Variants in PDE8A observed in about 807,000 individuals in gnomAD.
PDE8A encodes high affinity cAMP-specific and IBMX-insensitive 3',5'-cyclic phosphodiesterase 8A.
Under a neutral mutation model 105.0 loss-of-function variants are expected in PDE8A, and 59 were observed. The observed-to-expected ratio is 0.56, with a 90% CI of 0.46 to 0.70. The LOEUF is 0.70. PDE8A is among the 30% of genes least tolerant of loss of function. PDE8A has a pLI of 0.00. For missense variants in PDE8A, 1,014 were observed against 1,045.9 expected (o/e 0.97, Z 0.42); for synonymous variants, 355 against 371.9 (o/e 0.95, Z 0.52).
At chr15:85,080,143 A>AT (rs1470623820) in intron 5 of PDE8A, among the ~76,000 whole-genome samples, 1 of 152,174 alleles carries the variant, frequency 6.6e-6, no homozygotes, top group Non-Finnish European at 1.5e-5. Context: ...GGAATTTAAG[A>AT]TTTTAGTTTA....
intron 20 of PDE8A, among the ~76,000 whole-genome samples, chr15:85,129,093 C>T (rs987384746): frequency 3.9e-5 from 6 of 152,160 alleles, no homozygotes; most frequent in African/African-American, 1.4e-4. Flanking sequence ...TCTTGCATTT[C>T]AGAAATAGAT....
intron 1 of PDE8A, among the ~76,000 whole-genome samples, chr15:84,987,284 T>A (rs2079817686): frequency 6.6e-6 from 1 of 152,178 alleles, no homozygotes. Context: ...TTAAGTGTGA[T>A]TCTTAAGATA....
At chr15:85,133,192 T>G (rs894659175) in intron 20 of PDE8A, among the ~76,000 whole-genome samples, 6 of 152,202 alleles carry the variant, frequency 3.9e-5, no homozygotes, top group Non-Finnish European at 7.3e-5. Flanking sequence ...CTTAATTTCC[T>G]GAAGTGTCTT....
chr15:85,117,668 G>A lies in PDE8A; in HGVS notation c.1563G>A (p.Met521Ile), dbSNP rs2082117368. The change falls in exon 17 of 22, where the codon ATG becomes ATA. Residue 521 changes from methionine to isoleucine, a missense_variant. Coordinates refer to ENST00000394553, the MANE Select transcript of PDE8A (RefSeq NM_002605.3). ...NRPLIYLGLK[M>I]FARFGICEFL... Reference sequence around the variant, plus strand: ...CTTTGATTTATCTTGGTCTCAAAATGTTTGCTCGCTTTGGAATCTGTGAAT... The same window carrying A: ...CTTTGATTTATCTTGGTCTCAAAATATTTGCTCGCTTTGGAATCTGTGAAT... 1 of 1,614,106 alleles carries A rather than the reference G, an allele frequency of 6.2e-7. No individual in the cohort carries two copies. The highest frequency in any genetic ancestry group is 8.5e-7 in the Non-Finnish European group (1 of 1,179,968).
chr15:85,077,813 C>G (rs539331590), intron 5 of PDE8A, among the ~76,000 whole-genome samples: 1 of 152,080 alleles, frequency 6.6e-6, no homozygotes, highest in Non-Finnish European at 1.5e-5. Context: ...AGTGGCATAG[C>G]AAATTTTATG....
Position 85,122,487 on chromosome 15 carries a change from T to C in PDE8A, c.1953-574T>C, listed in dbSNP as rs921500610. Among the ~76,000 whole-genome samples, 5 of 152,236 alleles carry C rather than the reference T, an allele frequency of 3.3e-5. No homozygotes were observed. In the East Asian group the frequency reaches 9.6e-4, roughly 29 times the overall value. On this transcript the variant is annotated intron_variant, in intron 18 of 21. Transcript: ENST00000394553. ...TATTTGCTTATAGTTACATCAGTTATCAATGGAAAACTACATGAGACCCTA... is the reference window on the plus strand; with the variant it reads ...TATTTGCTTATAGTTACATCAGTTACCAATGGAAAACTACATGAGACCCTA...
chr15:85,114,084 G>A, intron 14 of PDE8A, 47 bp downstream of exon 14: 5 of 1,544,806 alleles, frequency 3.2e-6, no homozygotes, highest in Middle Eastern at 3.4e-4. Context: ...TCTGTTCTTG[G>A]TTGTTTTCTC....
chr15:85,022,394 C>T (rs1334852097), intron 1 of PDE8A, among the ~76,000 whole-genome samples: 1 of 149,246 alleles, frequency 6.7e-6, no homozygotes, highest in Non-Finnish European at 1.5e-5. Flanking sequence ...AGCACCAGTC[C>T]ACCCAGGCAG....
chr15:85,017,687 G>A (rs886406856), intron 1 of PDE8A, among the ~76,000 whole-genome samples: 2 of 152,076 alleles, frequency 1.3e-5, no homozygotes, highest in Admixed American at 1.3e-4. Flanking sequence ...AGGAGTTCAA[G>A]ACCAGCCTGG....
chr15:85,098,593 A>G (rs2081800758), intron 9 of PDE8A, among the ~76,000 whole-genome samples: 1 of 152,180 alleles, frequency 6.6e-6, no homozygotes, highest in Admixed American at 6.5e-5. Context: ...ATTATAGAAC[A>G]CCTAAAATAT....
At chr15:84,981,150 G>A (rs1486925084), upstream of PDE8A, among the ~76,000 whole-genome samples, 1 of 152,244 alleles carries the variant, frequency 6.6e-6, no homozygotes, top group African/African-American at 2.4e-5. Flanking sequence ...TTGGCGGTCG[G>A]GCTTCTGGTG....
chr15:85,022,585 G>C (rs1388933564), intron 1 of PDE8A, among the ~76,000 whole-genome samples: 1 of 147,766 alleles, frequency 6.8e-6, no homozygotes, highest in Non-Finnish European at 1.5e-5. Flanking sequence ...TGTCACCCCT[G>C]TCGCCCAGGC....
At position 85,046,237 on chromosome 15, in the gene PDE8A, CAG is replaced by C. The variant is rs1359454528; in HGVS notation, c.187-18132_187-18131del. 3.9e-5 allele frequency among the ~76,000 whole-genome samples: 6 copies of C among 152,078 alleles called. No individual in the cohort carries two copies. In the East Asian group the frequency reaches 1.2e-3, roughly 29 times the overall value. ...CTAATTTTTGTATTTTTAGTAGAGACAGGGTTTTACTATGTTGGCTAGGCTGG... is the reference window on the plus strand; with the variant it reads ...CTAATTTTTGTATTTTTAGTAGAGACGGTTTTACTATGTTGGCTAGGCTGG... On this transcript the variant is annotated intron_variant, in intron 1 of 21. Transcript: ENST00000394553.
intron 1 of PDE8A, among the ~76,000 whole-genome samples, chr15:85,046,658 G>A (rs2080892593): frequency 6.6e-6 from 1 of 152,150 alleles, no homozygotes; most frequent in Non-Finnish European, 1.5e-5. Flanking sequence ...AAAATATGTA[G>A]TATACCAAAT....
intron 7 of PDE8A, 26 bp from the exon 8 acceptor site, chr15:85,091,018 A>T: frequency 6.3e-7 from 1 of 1,589,100 alleles, no homozygotes. Context: ...AATTCACTTT[A>T]TGTTTTTTCT....
chr15:85,122,270 T>C (rs970968251), intron 18 of PDE8A, among the ~76,000 whole-genome samples: 3 of 152,188 alleles, frequency 2.0e-5, no homozygotes, highest in Non-Finnish European at 4.4e-5. Flanking sequence ...CATATGTCAC[T>C]GTGTCCTCAG....
intron 12 of PDE8A, among the ~76,000 whole-genome samples, chr15:85,110,644 A>G (rs1296660155): frequency 6.6e-6 from 1 of 152,180 alleles, no homozygotes; most frequent in Non-Finnish European, 1.5e-5. Context: ...ATTGCTCAGT[A>G]GTATTCCGTT....
intron 5 of PDE8A, among the ~76,000 whole-genome samples, chr15:85,080,920 T>A (rs760568516): frequency 7.9e-5 from 12 of 152,192 alleles, no homozygotes; most frequent in Non-Finnish European, 1.2e-4. Context: ...TAGAAGCACC[T>A]GACTTAGGAA....
At chr15:85,069,200 A>C (rs769551484) in intron 3 of PDE8A, among the ~76,000 whole-genome samples, 5 of 152,190 alleles carry the variant, frequency 3.3e-5, no homozygotes, top group African/African-American at 4.8e-5. Flanking sequence ...TCATGTAAAT[A>C]ACAATTTTAT....
Sources: gnomAD v4.1 joint callset for allele counts (sites outside exome capture counted in the v4.1 genomes callset) on GRCh38, gnomAD v4.1.1 for gene constraint, MANE v1.5 for transcripts, NCBI Gene and HGNC (gene_info 2026-07-23, HGNC 2026-07-21) for gene names.